Variants in BLTP1 observed in about 807,000 individuals in gnomAD.
BLTP1 encodes the protein fragile site-associated protein.
At chr4:122,305,558 A>C in the BLTP1 span, 1 of 984,846 alleles carries the variant, frequency 1.0e-6, no homozygotes. Flanking sequence ...TACGAGGAAA[A>C]AATGAACAAA....
chr4:122,248,268 T>G, the BLTP1 span: 1 of 240,198 alleles, frequency 4.2e-6, no homozygotes. Flanking sequence ...CTCTGTAGTT[T>G]GCGTGGGTAA....
At chr4:122,189,298 A>G in the BLTP1 span, 1 of 980,200 alleles carries the variant, frequency 1.0e-6, no homozygotes, top group Non-Finnish European at 1.2e-6. Flanking sequence ...TTGATATGCA[A>G]GAAGATATTG....
At chr4:122,200,414 C>A in the BLTP1 span, 1 of 552,572 alleles carries the variant, frequency 1.8e-6, no homozygotes, top group Admixed American at 6.4e-5. Context: ...CCTGCCTCTA[C>A]TAAAAATACA....
the BLTP1 span, chr4:122,238,106 A>G: frequency 3.7e-6 from 6 of 1,613,916 alleles, no homozygotes; most frequent in African/African-American, 5.3e-5. Flanking sequence ...TGTGAATGGC[A>G]TGAAGAGGAA....
chr4:122,266,620 A>G, the BLTP1 span: 1 of 181,548 alleles, frequency 5.5e-6, no homozygotes, highest in Non-Finnish European at 1.1e-5. Flanking sequence ...AATTTTAAGT[A>G]AAGTTAGAGT....
the BLTP1 span, among the ~76,000 whole-genome samples, chr4:122,313,365 T>C: frequency 6.6e-6 from 1 of 152,116 alleles, no homozygotes; most frequent in Non-Finnish European, 1.5e-5. Context: ...GGAAATCACA[T>C]GCAGAAAGTA....
chr4:122,290,525 C>T, the BLTP1 span, among the ~76,000 whole-genome samples: 11 of 151,842 alleles, frequency 7.2e-5, no homozygotes, highest in Middle Eastern at 3.2e-3. Context: ...TGGTGGCTCA[C>T]GCCTGTAATC....
chr4:122,264,893 A>G, the BLTP1 span, among the ~76,000 whole-genome samples: 1 of 152,208 alleles, frequency 6.6e-6, no homozygotes, highest in Non-Finnish European at 1.5e-5. Flanking sequence ...GAAATAGTTC[A>G]CCCAGTGGTA....
the BLTP1 span, among the ~76,000 whole-genome samples, chr4:122,242,448 T>C: frequency 6.6e-6 from 1 of 152,060 alleles, no homozygotes; most frequent in African/African-American, 2.4e-5. Flanking sequence ...AGTAGAATGG[T>C]GGTTACCAGA....
chr4:122,172,549 A>T, the BLTP1 span, among the ~76,000 whole-genome samples: 2 of 152,206 alleles, frequency 1.3e-5, no homozygotes, highest in South Asian at 4.1e-4. Flanking sequence ...ATGCCTTTAT[A>T]CTAAATTCCG....
chr4:122,180,165 A>G, the BLTP1 span: 1 of 985,358 alleles, frequency 1.0e-6, no homozygotes, highest in Non-Finnish European at 1.2e-6. Flanking sequence ...TAGAAAGAAT[A>G]TAGGATGTGA....
the BLTP1 span, chr4:122,249,247 T>G: frequency 1.8e-6 from 1 of 543,472 alleles, no homozygotes. Flanking sequence ...TATCCTGTAA[T>G]CATTCAGAAA....
the BLTP1 span, chr4:122,190,361 G>C: frequency 1.2e-6 from 1 of 867,668 alleles, no homozygotes; most frequent in Non-Finnish European, 1.4e-6. Context: ...CTCCCAAAGT[G>C]CTGGGATTGT....
At chr4:122,319,026 A>C in the BLTP1 span, among the ~76,000 whole-genome samples, 1 of 152,068 alleles carries the variant, frequency 6.6e-6, no homozygotes, top group Non-Finnish European at 1.5e-5. Context: ...AGATTTGTTC[A>C]CTGTATTCCT....
the BLTP1 span, chr4:122,356,727 A>G: frequency 6.2e-7 from 1 of 1,613,146 alleles, no homozygotes; most frequent in Non-Finnish European, 8.5e-7. Context: ...ATGATTTAGT[A>G]TCAGCTTATC....
At chr4:122,185,380 G>T in the BLTP1 span, 1 of 985,166 alleles carries the variant, frequency 1.0e-6, no homozygotes, top group African/African-American at 1.7e-5. Flanking sequence ...ATTGATTGTG[G>T]TACCTTTCTT....
chr4:122,170,756 A>G, the BLTP1 span: 1 of 1,565,896 alleles, frequency 6.4e-7, no homozygotes, highest in South Asian at 1.2e-5. Flanking sequence ...TAAGTGGAAT[A>G]TTTTTCTTCT....
the BLTP1 span, among the ~76,000 whole-genome samples, chr4:122,290,237 A>G: frequency 1.3e-5 from 2 of 152,192 alleles, no homozygotes; most frequent in Non-Finnish European, 2.9e-5. Context: ...GTCTTAAAAG[A>G]TCAGATCATT....
chr4:122,362,200 C>A, the BLTP1 span: 4 of 1,613,050 alleles, frequency 2.5e-6, no homozygotes, highest in South Asian at 3.3e-5. Context: ...CGGTACTGCA[C>A]TACAGGATGA....
Sources: allele counts gnomAD v4.1 joint callset (sites outside exome capture counted in the v4.1 genomes callset), GRCh38; gene constraint gnomAD v4.1.1; transcripts MANE v1.5; gene names NCBI Gene and HGNC (gene_info 2026-07-23, HGNC 2026-07-21).